ZNF426: variants seen among roughly 807,000 people sequenced by gnomAD.
ZNF426 encodes the protein CTC-543D15.7.
A neutral mutation model predicts 24.0 loss-of-function variants in ZNF426; 23 were observed. The observed-to-expected ratio is 0.96, with a 90% CI of 0.69 to 1.36. ZNF426 has a LOEUF of 1.36. ZNF426 is among the 40% of genes most tolerant of loss of function. The pLI is 0.00. For synonymous variants in ZNF426, 272 were observed against 224.6 expected, an observed-to-expected ratio of 1.21 and a Z score of -1.89; for missense variants, 646 against 658.4, an observed-to-expected ratio of 0.98 and a Z score of 0.21.
Position 9,528,430 on chromosome 19 carries a change from TC to T in ZNF426, c.1614del (p.Ala540LeufsTer22). 1 of 1,611,376 alleles carries T rather than the reference TC, an allele frequency of 6.2e-7. No homozygotes were observed. On this transcript the variant is annotated frameshift_variant, in exon 8 of 8. Transcript: ENST00000253115. LOFTEE classifies it low-confidence loss of function (END_TRUNC). Reference sequence around the variant, plus strand: ...AGTGAACGGGGATGACTGTAAGCTTTCCCGCATTGCTGACATTTATAGGGTT... The same window carrying T: ...AGTGAACGGGGATGACTGTAAGCTTTCCGCATTGCTGACATTTATAGGGTT... Reference protein sequence around the residue: ...EEKPYKCQQCGKAYSHPRSLR... With the variant: ...EEKPYKCQQCXKAYSHPRSLR...
chr19:9,533,756 A>T, intron 5 of ZNF426, 84 bp downstream of exon 5: 1 of 1,562,290 alleles, frequency 6.4e-7, no homozygotes, highest in East Asian at 2.3e-5. Context: ...TTGCATTCAG[A>T]GTTGACATTG....
Position 9,533,860 on chromosome 19 carries a change from T to C in ZNF426, c.224A>G (p.Tyr75Cys). The C allele has an allele frequency of 6.2e-7, 1 of 1,614,118 alleles. No individual in the cohort carries two copies. Among genetic ancestry groups the C allele is most frequent in the Non-Finnish European group, 8.5e-7 (1 of 1,179,982 alleles). Residue 75 changes from tyrosine to cysteine, a missense_variant, in exon 5 of 8, where the codon TAC becomes TGC. Coordinates refer to ENST00000253115, the MANE Select transcript of ZNF426 (RefSeq NM_024106.3). ...SLYSDVMLENYKNLATVGGQI... is the reference protein window; with the variant it reads ...SLYSDVMLENCKNLATVGGQI... ...CTTACCTACTGTGGCCAGGTTCTTGTAGTTCTCCAGCATCACGTCACTGTA... is the reference window on the plus strand; with the variant it reads ...CTTACCTACTGTGGCCAGGTTCTTGCAGTTCTCCAGCATCACGTCACTGTA...
chr19:9,535,098 A>G, intron 4 of ZNF426, 90 bp downstream of exon 4: 1 of 899,176 alleles, frequency 1.1e-6, no homozygotes, highest in Non-Finnish European at 1.6e-6. Flanking sequence ...AAAAAAAAAG[A>G]AGTCTGGAGA....
chr19:9,529,338 T>C lies in ZNF426; in HGVS notation c.707A>G (p.Glu236Gly). The C allele has an allele frequency of 1.2e-6, 2 of 1,614,226 alleles. No individual in the cohort carries two copies. The highest frequency in any genetic ancestry group is 1.7e-6 in the Non-Finnish European group (2 of 1,180,040). ...TCTCATATGTGCCTGAAGGTATGAC[T>C]CATTAATGAAGGATTTTCCACAGTG... The part of the protein sequence containing the change: ...CSHCGKSFIN[E>G]SYLQAHMRTH... Residue 236 changes from glutamate to glycine, a missense_variant, in exon 8 of 8, where the codon GAG (glutamate) becomes GGG (glycine). Coordinates refer to ENST00000253115, the MANE Select transcript of ZNF426 (RefSeq NM_024106.3).
rs531066978 is a variant in ZNF426 at position 9,525,233 on chromosome 19, A to C, written c.*3147T>G. ...CACTGCACTCCAGCCTGGGCGACAG[A>C]GCGAGACTCCGTCTCAAAAAAAATA... On this transcript the variant is annotated 3_prime_UTR_variant, in exon 8 of 8. Transcript: ENST00000253115. The C allele has an allele frequency of 5.3e-5, 8 of 151,526 alleles. No individual in the cohort carries two copies. Among genetic ancestry groups the C allele is most frequent in the African/African-American group, 1.9e-4 (8 of 41,242 alleles). The allele number at this position is 151,526 out of a possible 1,614,324, so 9.4% of individuals were successfully genotyped here.
chr19:9,532,275 TTTC>T, intron 6 of ZNF426, among the ~76,000 whole-genome samples: 1 of 148,998 alleles, frequency 6.7e-6, no homozygotes, highest in Non-Finnish European at 1.5e-5. Flanking sequence ...TTTTTCTTTT[TTTC>T]TTTTTTTTTT....
intron 2 of ZNF426, among the ~76,000 whole-genome samples, chr19:9,536,877 G>C (rs2073974153): frequency 1.3e-5 from 2 of 152,246 alleles, no homozygotes; most frequent in South Asian, 4.1e-4. Context: ...GCTCACGCCT[G>C]TAATCCCAGC....
chr19:9,534,097 G>C, intron 4 of ZNF426, 131 bp from the exon 5 acceptor site: 8 of 1,311,414 alleles, frequency 6.1e-6, no homozygotes, highest in Non-Finnish European at 8.3e-6. Flanking sequence ...AGGTTTTAAG[G>C]GTCCTAGAAA....
At position 9,528,450 on chromosome 19, in the gene ZNF426, T is replaced by C. The variant is rs748294267; in HGVS notation, c.1595A>G (p.Tyr532Cys). Residue 532 changes from tyrosine to cysteine, a missense_variant, in exon 8 of 8, where the codon TAT becomes TGT. Coordinates refer to ENST00000253115, the MANE Select transcript of ZNF426 (RefSeq NM_024106.3). ...HEKTHTEEKP[Y>C]KCQQCGKAYS... is the part of the protein sequence containing the mutation. ...AGCTTTCCCGCATTGCTGACATTTA[T>C]AGGGTTTCTCTTCTGTGTGAGTTTT... The C allele has an allele frequency of 6.8e-6, 11 of 1,613,594 alleles. No homozygotes were observed. Among genetic ancestry groups the C allele is most frequent in the Non-Finnish European group, 9.3e-6 (11 of 1,179,886 alleles).
chr19:9,528,104 T>A lies in ZNF426; in HGVS notation c.*276A>T. On this transcript the variant is annotated 3_prime_UTR_variant, in exon 8 of 8. Transcript: ENST00000253115. Reference sequence around the variant, plus strand: ...CCTGGGTTCAAGTGATTCACTTGCCTCAGCCTCCCAAGTAGCTGGGATTAC... The same window carrying A: ...CCTGGGTTCAAGTGATTCACTTGCCACAGCCTCCCAAGTAGCTGGGATTAC... The A allele has an allele frequency of 3.4e-6, 1 of 290,454 alleles. No individual in the cohort carries two copies. The highest frequency in any genetic ancestry group is 6.5e-6 in the Non-Finnish European group (1 of 154,672). 18.0% of individuals were successfully genotyped at this position (290,454 alleles called of 1,614,324 possible).
intron 5 of ZNF426, 50 bp downstream of exon 5, chr19:9,533,790 C>G: frequency 6.2e-7 from 1 of 1,610,724 alleles, no homozygotes; most frequent in Non-Finnish European, 8.5e-7. Flanking sequence ...ACAGTAAGTA[C>G]AAAACATATC....
In ZNF426 at chr19:9,536,253, C is replaced by T. The variant is rs369863823; in HGVS notation, c.-21G>A. On this transcript the variant is annotated 5_prime_UTR_variant, in exon 3 of 8. An upstream open reading frame in the 5' UTR loses its in-frame stop. Coordinates refer to ENST00000253115, the MANE Select transcript of ZNF426 (RefSeq NM_024106.3). Reference sequence around the variant, plus strand: ...GCCATCCCGCGAGGTGAGAACGTGTCAGAACCCTCCTTTCATTGATGTCAC... The same window carrying T: ...GCCATCCCGCGAGGTGAGAACGTGTTAGAACCCTCCTTTCATTGATGTCAC... The T allele has an allele frequency of 4.3e-6, 7 of 1,614,118 alleles. No individual in the cohort carries two copies. Among genetic ancestry groups the T allele is most frequent in the Non-Finnish European group, 5.1e-6 (6 of 1,180,048 alleles).
rs201971278 is a variant in ZNF426 at position 9,534,627 on chromosome 19, C to G, written c.117+561G>C. On this transcript the variant is annotated intron_variant, in intron 4 of 7. Transcript: ENST00000253115. ...TTAATTTTTTTGAGACGGAGTCTTG[C>G]TGTGTTGCCCAGGCTAGAGTGCAGT... is the stretch of plus-strand genomic sequence containing the variant. Among the ~76,000 whole-genome samples, 13 of 151,594 alleles carry G rather than the reference C, an allele frequency of 8.6e-5. No individual in the cohort carries two copies. The East Asian group carries it at 2.0e-3, about 23-fold the overall frequency.
At chr19:9,535,325 C>T (rs769347055) in intron 3 of ZNF426, 46 bp from the exon 4 acceptor site, 2 of 1,395,858 alleles carry the variant, frequency 1.4e-6, no homozygotes, top group Admixed American at 3.5e-5. Flanking sequence ...ACCATAATCC[C>T]CACATCCACC....
In ZNF426 at chr19:9,524,286, C is replaced by A. The variant is rs2073770027; in HGVS notation, c.*4094G>T. On this transcript the variant is annotated 3_prime_UTR_variant, in exon 8 of 8. Transcript: ENST00000253115. The stretch of plus-strand genomic sequence containing the variant: ...TCCATTTACATAGGGTTTCCTGCCA[C>A]TGTGAATTCTTACAAGTTCATTATG... The A allele has an allele frequency of 1.3e-5, 2 of 152,208 alleles. No individual in the cohort carries two copies. 9.4% of individuals were successfully genotyped at this position (152,208 alleles called of 1,614,324 possible). A position where few individuals can be genotyped will look rare whatever the true frequency, so the allele number is the denominator to read the frequency against.
chr19:9,536,248 C>T lies in ZNF426; in HGVS notation c.-16G>A, dbSNP rs772236642. The T allele has an allele frequency of 9.3e-6, 15 of 1,614,096 alleles. No individual in the cohort carries two copies. The highest frequency in any genetic ancestry group is 1.6e-4 in the Middle Eastern group (1 of 6,084). On this transcript the variant is annotated 5_prime_UTR_variant, in exon 3 of 8. Transcript: ENST00000253115. Reference sequence around the variant, plus strand: ...CAGCTGCCATCCCGCGAGGTGAGAACGTGTCAGAACCCTCCTTTCATTGAT... The same window carrying T: ...CAGCTGCCATCCCGCGAGGTGAGAATGTGTCAGAACCCTCCTTTCATTGAT...
At chr19:9,534,036 A>AG in intron 4 of ZNF426, 70 bp from the exon 5 acceptor site, 1 of 1,574,492 alleles carries the variant, frequency 6.4e-7, no homozygotes, top group Non-Finnish European at 8.6e-7. Context: ...AGGATGAGGA[A>AG]GGGGGACCCA....
chr19:9,537,011 T>C (rs1360397132), intron 2 of ZNF426, among the ~76,000 whole-genome samples: 1 of 151,876 alleles, frequency 6.6e-6, no homozygotes, highest in African/African-American at 2.4e-5. Flanking sequence ...GCGGCTGTAA[T>C]CCCAGCTACT....
rs2073828237 is a variant in ZNF426, at chr19:9,528,621, G to A, written c.1424C>T (p.Pro475Leu). ...CTTTCCACATTGTTTACACTCATAGGGTTTTTCTCCAGTGTGGATTCGCAT... is the reference window on the plus strand; with the variant it reads ...CTTTCCACATTGTTTACACTCATAGAGTTTTTCTCCAGTGTGGATTCGCAT... Reference protein sequence around the residue: ...IHMRIHTGEKPYECKQCGKAF... With the variant: ...IHMRIHTGEKLYECKQCGKAF... The change falls in exon 8 of 8, where the codon CCC (proline) becomes CTC (leucine). Residue 475 changes from proline (P) to leucine (L), a missense_variant. Coordinates refer to ENST00000253115, the MANE Select transcript of ZNF426 (RefSeq NM_024106.3). The A allele has an allele frequency of 1.9e-6, 3 of 1,613,972 alleles. No homozygotes were observed. Among genetic ancestry groups the A allele is most frequent in the African/African-American group, 2.7e-5 (2 of 74,880 alleles).
Sources: allele counts gnomAD v4.1 joint callset (sites outside exome capture counted in the v4.1 genomes callset), GRCh38; gene constraint gnomAD v4.1.1; transcripts MANE v1.5; gene names NCBI Gene and HGNC (gene_info 2026-07-23, HGNC 2026-07-21).